The following BCHE variants were observed in gnomAD, a reference collection of about 807,000 sequenced individuals.
BCHE encodes cholinesterase.
Under a neutral mutation model 51.3 loss-of-function variants are expected in BCHE, and 48 were observed. The observed-to-expected ratio is 0.94, with a 90% CI of 0.74 to 1.19. BCHE has a LOEUF of 1.19. Ranked by LOEUF, BCHE falls within the 50% of genes most tolerant of loss-of-function variation. BCHE has a pLI of 0.00. For missense variants in BCHE, 847 were observed against 708.2 expected, an observed-to-expected ratio of 1.20 and a Z score of -2.23; for synonymous variants, 251 against 238.0, an observed-to-expected ratio of 1.05 and a Z score of -0.50.
Position 165,835,879 on chromosome 3 carries a change from C to T in BCHE, c.-9+1435G>A, listed in dbSNP as rs13083740. On this transcript the variant is annotated intron_variant, in intron 1 of 3. Coordinates refer to ENST00000264381, the MANE Select transcript of BCHE (RefSeq NM_000055.4). Reference sequence around the variant, plus strand: ...ATCTCCTCTTAGGTTGCTATCTATTCAATTACAATTCTCTTAACATCTGGG... The same window carrying T: ...ATCTCCTCTTAGGTTGCTATCTATTTAATTACAATTCTCTTAACATCTGGG... Among the ~76,000 whole-genome samples, 184 of 151,956 alleles carry T rather than the reference C, an allele frequency of 1.2e-3. 1 individual carries two copies. The highest frequency in any genetic ancestry group is 2.1e-3 in the Non-Finnish European group (143 of 67,832).
intron 2 of BCHE, among the ~76,000 whole-genome samples, chr3:165,805,139 G>A (rs1713822486): frequency 6.6e-6 from 1 of 152,132 alleles, no homozygotes; most frequent in South Asian, 2.1e-4. Context: ...TCTACTTTAA[G>A]AGAGTTTATT....
At chr3:165,793,370 C>T (rs978098292) in intron 2 of BCHE, among the ~76,000 whole-genome samples, 5 of 152,210 alleles carry the variant, frequency 3.3e-5, no homozygotes, top group African/African-American at 1.2e-4. Flanking sequence ...GGGAACCAAA[C>T]TGAAGTAGTC....
rs757612378 is a variant in BCHE at position 165,830,303 on chromosome 3, A to G, written c.731T>C (p.Leu244Ser). The G allele has an allele frequency of 3.1e-6, 5 of 1,614,030 alleles. No individual in the cohort carries two copies. Among genetic ancestry groups the G allele is most frequent in the Admixed American group, 1.7e-5 (1 of 59,978 alleles). ...LHLLSPGSHS[L>S]FTRAILQSGS... Reference sequence around the variant, plus strand: ...ACTTTGCAGAATGGCTCTGGTGAACAATGAATGGCTTCCAGGAGAAAGCAA... The same window carrying G: ...ACTTTGCAGAATGGCTCTGGTGAACGATGAATGGCTTCCAGGAGAAAGCAA... Residue 244 changes from leucine to serine, a missense_variant, in exon 2 of 4, where the codon TTG becomes TCG. By Grantham distance (145) the Leu-to-Ser change is moderately radical (BLOSUM62 -2). Coordinates refer to ENST00000264381, the MANE Select transcript of BCHE (RefSeq NM_000055.4).
At chr3:165,780,874 C>G (rs185104553) in intron 3 of BCHE, among the ~76,000 whole-genome samples, 1 of 152,188 alleles carries the variant, frequency 6.6e-6, no homozygotes, top group East Asian at 1.9e-4. Flanking sequence ...GGATCTGGAA[C>G]CAGAAATATC....
At chr3:165,811,927 C>T (rs1004203940) in intron 2 of BCHE, among the ~76,000 whole-genome samples, 1 of 151,840 alleles carries the variant, frequency 6.6e-6, no homozygotes, top group Admixed American at 6.6e-5. Context: ...GCATATCTAG[C>T]CTTTTGACTA....
At chr3:165,792,226 G>A (rs1713196010) in intron 2 of BCHE, among the ~76,000 whole-genome samples, 1 of 151,910 alleles carries the variant, frequency 6.6e-6, no homozygotes, top group African/African-American at 2.4e-5. Flanking sequence ...GCTTTGTACT[G>A]AATAGGAGAT....
chr3:165,830,309 T>G lies in BCHE; in HGVS notation c.725A>C (p.His242Pro), dbSNP rs1270545646. ...VSLHLLSPGS[H>P]SLFTRAILQS... ...CAGAATGGCTCTGGTGAACAATGAATGGCTTCCAGGAGAAAGCAAATGCAG... is the reference window on the plus strand; with the variant it reads ...CAGAATGGCTCTGGTGAACAATGAAGGGCTTCCAGGAGAAAGCAAATGCAG... The change falls in exon 2 of 4, where the codon CAT becomes CCT. Residue 242 changes from histidine to proline, a missense_variant. Coordinates refer to ENST00000264381, the MANE Select transcript of BCHE (RefSeq NM_000055.4). 1 of 1,614,028 alleles carries G rather than the reference T, an allele frequency of 6.2e-7. No homozygotes were observed. The highest frequency in any genetic ancestry group is 8.5e-7 in the Non-Finnish European group (1 of 1,179,950).
rs995334343 is a variant in BCHE at position 165,837,044 on chromosome 3, C to T, written c.-9+270G>A. 2.6e-5 allele frequency among the ~76,000 whole-genome samples: 4 copies of T among 152,240 alleles called. No individual in the cohort carries two copies. The South Asian group carries it at 8.3e-4, about 32-fold the overall frequency. On this transcript the variant is annotated intron_variant, in intron 1 of 3. Coordinates refer to ENST00000264381, the MANE Select transcript of BCHE (RefSeq NM_000055.4). ...GAATATATATCACAGTGATTCCACA[C>T]GTGCTATGGTCCTTTATACAGAGTT...
intron 2 of BCHE, among the ~76,000 whole-genome samples, chr3:165,791,851 G>A (rs553716993): frequency 1.5e-4 from 23 of 152,226 alleles, no homozygotes; most frequent in Non-Finnish European, 2.9e-4. Context: ...GGGAGGCTGA[G>A]GCAGGAGAAT....
chr3:165,800,850 G>A (rs1713608916), intron 2 of BCHE, among the ~76,000 whole-genome samples: 1 of 152,072 alleles, frequency 6.6e-6, no homozygotes. Context: ...ACTGATCTCT[G>A]AGATCCATCA....
chr3:165,816,858 G>A (rs181860740), intron 2 of BCHE, among the ~76,000 whole-genome samples: 1 of 151,976 alleles, frequency 6.6e-6, no homozygotes, highest in Admixed American at 6.6e-5. Flanking sequence ...CTCCGTAAGT[G>A]AAATAAACCT....
At chr3:165,799,332 T>A (rs1174198539) in intron 2 of BCHE, among the ~76,000 whole-genome samples, 1 of 152,146 alleles carries the variant, frequency 6.6e-6, no homozygotes, top group Non-Finnish European at 1.5e-5. Context: ...CCTACACTCC[T>A]GCCTAGCAGT....
intron 1 of BCHE, among the ~76,000 whole-genome samples, chr3:165,835,395 G>A (rs536832742): frequency 1.3e-5 from 2 of 151,700 alleles, no homozygotes; most frequent in East Asian, 3.9e-4. Context: ...AGATGTTCAA[G>A]CAAATATTCA....
chr3:165,837,259 G>T (rs1715220457), intron 1 of BCHE, 55 bp downstream of exon 1: 1 of 1,113,594 alleles, frequency 9.0e-7, no homozygotes, highest in African/African-American at 1.6e-5. Flanking sequence ...CCCACAGAAT[G>T]AGCTTTACAG....
intron 2 of BCHE, among the ~76,000 whole-genome samples, chr3:165,823,513 A>G (rs1466611154): frequency 1.3e-5 from 2 of 152,094 alleles, no homozygotes; most frequent in African/African-American, 4.8e-5. Flanking sequence ...GGGAATGCCA[A>G]TTGATAATGG....
intron 2 of BCHE, among the ~76,000 whole-genome samples, chr3:165,821,186 A>C (rs889388175): frequency 6.6e-6 from 1 of 151,970 alleles, no homozygotes; most frequent in African/African-American, 2.4e-5. Flanking sequence ...GAGACCTCTA[A>C]GAATTGTATT....
intron 2 of BCHE, among the ~76,000 whole-genome samples, chr3:165,802,184 T>C (rs1235064714): frequency 2.0e-5 from 3 of 152,224 alleles, no homozygotes; most frequent in Non-Finnish European, 4.4e-5. Flanking sequence ...TTATTCAAAT[T>C]ATCAGAGCGT....
At chr3:165,803,705 T>A (rs1291880123) in intron 2 of BCHE, among the ~76,000 whole-genome samples, 1 of 152,216 alleles carries the variant, frequency 6.6e-6, no homozygotes, top group African/African-American at 2.4e-5. Context: ...ACCTTGAATT[T>A]TTTGGCATAA....
chr3:165,812,497 T>C (rs1714139826), intron 2 of BCHE, among the ~76,000 whole-genome samples: 1 of 152,030 alleles, frequency 6.6e-6, no homozygotes, highest in Non-Finnish European at 1.5e-5. Context: ...AATGGAGTGT[T>C]CCATGCTTAA....
Sources: allele counts gnomAD v4.1 joint callset (sites outside exome capture counted in the v4.1 genomes callset), GRCh38; gene constraint gnomAD v4.1.1; transcripts MANE v1.5; gene names NCBI Gene and HGNC (gene_info 2026-07-23, HGNC 2026-07-21).